PRR16: variants seen among roughly 807,000 people sequenced by gnomAD.
PRR16 encodes the protein proline rich 16, also known as protein Largen.
PRR16 carries 6 observed loss-of-function variants against 18.2 expected under a neutral mutation model. The observed-to-expected ratio is 0.33, with a 90% CI of 0.18 to 0.65. The LOEUF (loss-of-function observed/expected upper bound fraction) is 0.65. Among genes scored for constraint, PRR16 ranks in the 30% least tolerant of loss-of-function variants. PRR16 has a pLI of 0.74. For synonymous variants in PRR16, 151 were observed against 147.8 expected, an observed-to-expected ratio of 1.02 and a Z score of -0.16; for missense variants, 412 against 376.6, an observed-to-expected ratio of 1.09 and a Z score of -0.78.
At chr5:120,561,025 A>G (rs1358828633) in intron 1 of PRR16, among the ~76,000 whole-genome samples, 5 of 151,920 alleles carry the variant, frequency 3.3e-5, no homozygotes, top group Non-Finnish European at 7.4e-5. Flanking sequence ...ATTCTTGATT[A>G]GTCTGGCTAA....
chr5:120,558,619 G>A (rs1377357994), intron 1 of PRR16, among the ~76,000 whole-genome samples: 2 of 151,902 alleles, frequency 1.3e-5, no homozygotes, highest in Admixed American at 1.3e-4. Flanking sequence ...TAGGAGTGCA[G>A]ATATCTCTTT....
At chr5:120,625,896 C>T (rs1161202618) in intron 1 of PRR16, among the ~76,000 whole-genome samples, 1 of 152,110 alleles carries the variant, frequency 6.6e-6, no homozygotes, top group Non-Finnish European at 1.5e-5. Context: ...GATCCATTAT[C>T]ATTATTTCCC....
chr5:120,777,957 C>A, the PRR16 span, among the ~76,000 whole-genome samples: 3 of 151,854 alleles, frequency 2.0e-5, no homozygotes, highest in Non-Finnish European at 2.9e-5. Context: ...TTGGTTTCAC[C>A]ATTATGGAAG....
chr5:120,724,019 C>G, the PRR16 span, among the ~76,000 whole-genome samples: 1 of 150,832 alleles, frequency 6.6e-6, no homozygotes, highest in African/African-American at 2.4e-5. Context: ...AGTGGGTGAC[C>G]TCTGTTTGCA....
chr5:120,616,307 G>A (rs936299612), intron 1 of PRR16, among the ~76,000 whole-genome samples: 3 of 152,060 alleles, frequency 2.0e-5, no homozygotes, highest in Non-Finnish European at 4.4e-5. Context: ...CACACATTCC[G>A]GCGGCAACAA....
At chr5:120,663,667 CT>C (rs1164412131) in intron 1 of PRR16, among the ~76,000 whole-genome samples, 1 of 152,142 alleles carries the variant, frequency 6.6e-6, no homozygotes, top group Non-Finnish European at 1.5e-5. Flanking sequence ...AACTTTTCTT[CT>C]ATCTAAGAAG....
chr5:120,680,582 C>A (rs1254647136), intron 1 of PRR16, among the ~76,000 whole-genome samples: 1 of 152,106 alleles, frequency 6.6e-6, no homozygotes, highest in Non-Finnish European at 1.5e-5. Context: ...AGTAGAATTG[C>A]CACAAAGTGT....
chr5:120,591,343 G>T (rs568571188), intron 1 of PRR16, among the ~76,000 whole-genome samples: 1 of 151,840 alleles, frequency 6.6e-6, no homozygotes, highest in African/African-American at 2.4e-5. Flanking sequence ...ATAACAAGTC[G>T]TCGATTTTCA....
chr5:120,738,635 A>G, the PRR16 span, among the ~76,000 whole-genome samples: 3 of 152,312 alleles, frequency 2.0e-5, no homozygotes, highest in South Asian at 4.1e-4. Context: ...TTAAAAGTTC[A>G]CGGGTTCACA....
In PRR16 at chr5:120,477,883, C is replaced by A. The variant is rs529295829; in HGVS notation, c.159+13238C>A. 3.9e-5 allele frequency among the ~76,000 whole-genome samples: 6 copies of A among 152,346 alleles called. No homozygotes were observed. The South Asian group carries it at 1.2e-3, about 32-fold the overall frequency. ...TCCCCACCTGAGCAAACGCTTACCT[C>A]ACTCAAACTTTGCTCCAGTGGCAGA... is the stretch of plus-strand genomic sequence containing the variant. On this transcript the variant is annotated intron_variant, in intron 1 of 1. Coordinates refer to ENST00000407149, the MANE Select transcript of PRR16 (RefSeq NM_001300783.2).
chr5:120,604,251 T>G (rs1213411540), intron 1 of PRR16, among the ~76,000 whole-genome samples: 1 of 152,126 alleles, frequency 6.6e-6, no homozygotes, highest in Non-Finnish European at 1.5e-5. Flanking sequence ...TGGGAGCATA[T>G]ATTTCTAGGA....
At chr5:120,482,106 G>T (rs1356353244) in intron 1 of PRR16, among the ~76,000 whole-genome samples, 1 of 152,028 alleles carries the variant, frequency 6.6e-6, no homozygotes, top group Non-Finnish European at 1.5e-5. Context: ...TTGCCCACTG[G>T]ATATTTTGTT....
At chr5:120,603,254 G>A (rs545584383) in intron 1 of PRR16, among the ~76,000 whole-genome samples, 1 of 151,960 alleles carries the variant, frequency 6.6e-6, no homozygotes, top group African/African-American at 2.4e-5. Flanking sequence ...TAATTAGTCT[G>A]TTCAAGATAT....
At position 120,562,390 on chromosome 5, in the gene PRR16, C is replaced by T. The variant is rs532781534; in HGVS notation, c.159+97745C>T. 1.0e-3 allele frequency among the ~76,000 whole-genome samples: 154 copies of T among 151,970 alleles called. 1 individual carries two copies. The highest frequency in any genetic ancestry group is 6.8e-3 in the Middle Eastern group (2 of 294). ...GTATTTTTATAGGAGAAGTGTATATCTTGTAGGCAACAGATTACTGTGACT... is the reference window on the plus strand; with the variant it reads ...GTATTTTTATAGGAGAAGTGTATATTTTGTAGGCAACAGATTACTGTGACT... On this transcript the variant is annotated intron_variant, in intron 1 of 1. Coordinates refer to ENST00000407149, the MANE Select transcript of PRR16 (RefSeq NM_001300783.2).
chr5:120,612,456 CA>C (rs1028685693), intron 1 of PRR16, among the ~76,000 whole-genome samples: 1 of 152,124 alleles, frequency 6.6e-6, no homozygotes, highest in African/African-American at 2.4e-5. Context: ...GTGGGAGGGA[CA>C]GGGGAAGGTA....
the PRR16 span, among the ~76,000 whole-genome samples, chr5:120,743,188 A>C: frequency 6.6e-6 from 1 of 152,024 alleles, no homozygotes; most frequent in African/African-American, 2.4e-5. Flanking sequence ...ATTTTCTTCT[A>C]ATGTATTTTA....
intron 1 of PRR16, among the ~76,000 whole-genome samples, chr5:120,615,348 T>C (rs1754471072): frequency 6.6e-6 from 1 of 151,108 alleles, no homozygotes; most frequent in Admixed American, 6.6e-5. Flanking sequence ...TATAGGCCCT[T>C]AGGCCACTTT....
chr5:120,757,215 TG>T, the PRR16 span, among the ~76,000 whole-genome samples: 2 of 152,176 alleles, frequency 1.3e-5, no homozygotes, highest in African/African-American at 4.8e-5. Flanking sequence ...TTTTGGTTAC[TG>T]TAGCCTTATA....
chr5:120,488,657 G>T (rs2112822287), intron 1 of PRR16, among the ~76,000 whole-genome samples: 1 of 152,070 alleles, frequency 6.6e-6, no homozygotes, highest in East Asian at 1.9e-4. Flanking sequence ...CTTCAGTTCT[G>T]CTCTGATTTT....
Sources: allele counts gnomAD v4.1 joint callset (sites outside exome capture counted in the v4.1 genomes callset), GRCh38; gene constraint gnomAD v4.1.1; transcripts MANE v1.5; gene names NCBI Gene and HGNC (gene_info 2026-07-23, HGNC 2026-07-21).